Variants in SGCZ observed in about 807,000 individuals in gnomAD.
The protein encoded by SGCZ is zeta-sarcoglycan.
In SGCZ, 40 loss-of-function variants were observed where a neutral mutation model predicts 41.3. The ratio of observed to expected loss-of-function variants is 0.97; its 90% CI spans 0.75 to 1.26. SGCZ has a LOEUF of 1.26. Ranked by LOEUF, SGCZ falls within the 50% of genes most tolerant of loss-of-function variation. The pLI is 0.00. For synonymous variants in SGCZ, 206 were observed against 137.5 expected (o/e 1.50, Z -3.49); for missense variants, 552 against 369.8 (o/e 1.49, Z -4.04).
chr8:14,598,513 A>C (rs2117305267), intron 1 of SGCZ, among the ~76,000 whole-genome samples: 1 of 151,834 alleles, frequency 6.6e-6, no homozygotes, highest in South Asian at 2.1e-4. Flanking sequence ...ACAAACACAT[A>C]GTTTTATATA....
intron 2 of SGCZ, among the ~76,000 whole-genome samples, chr8:14,330,557 T>C (rs575468189): frequency 6.6e-6 from 1 of 152,162 alleles, no homozygotes; most frequent in South Asian, 2.1e-4. Context: ...TTTAAGAATA[T>C]TTAAATTTAA....
intron 1 of SGCZ, among the ~76,000 whole-genome samples, chr8:14,726,311 C>CATATATAT (rs1202306930): frequency 0.088 from 9,352 of 106,692 alleles, 670 homozygotes; most frequent in Non-Finnish European, 0.12. Context: ...TGTGTAAATA[C>CATATATAT]ATATATATAT....
At chr8:14,252,783 C>A (rs1009631099) in intron 3 of SGCZ, among the ~76,000 whole-genome samples, 1 of 152,160 alleles carries the variant, frequency 6.6e-6, no homozygotes, top group African/African-American at 2.4e-5. Context: ...AGAGCTTCAG[C>A]TTTCAGGCAG....
intron 1 of SGCZ, among the ~76,000 whole-genome samples, chr8:14,690,129 T>TA (rs34319245): frequency 1.3e-5 from 2 of 151,294 alleles, no homozygotes; most frequent in East Asian, 1.9e-4. Flanking sequence ...TTTTTTTTTT[T>TA]AAAGTCCATG....
chr8:14,475,723 T>A (rs1008002805), intron 2 of SGCZ, among the ~76,000 whole-genome samples: 2 of 152,122 alleles, frequency 1.3e-5, no homozygotes, highest in Non-Finnish European at 2.9e-5. Flanking sequence ...CAATTCCAAA[T>A]TAAGGAATTA....
chr8:14,642,576 T>C (rs1807063428), intron 1 of SGCZ, among the ~76,000 whole-genome samples: 1 of 151,522 alleles, frequency 6.6e-6, no homozygotes, highest in Non-Finnish European at 1.5e-5. Flanking sequence ...ATATTTTATG[T>C]ATAACTCTAC....
intron 2 of SGCZ, among the ~76,000 whole-genome samples, chr8:14,326,037 G>A (rs531049552): frequency 2.8e-4 from 36 of 129,862 alleles, no homozygotes; most frequent in African/African-American, 9.7e-4. Flanking sequence ...GCACGAACCC[G>A]GGAGGCGGAG....
At chr8:14,740,666 C>T (rs552015206) in intron 1 of SGCZ, among the ~76,000 whole-genome samples, 30 of 152,154 alleles carry the variant, frequency 2.0e-4, no homozygotes, top group African/African-American at 6.5e-4. Flanking sequence ...TGTGCTTTCT[C>T]AGTCGTCCTG....
chr8:14,109,599 T>C (rs1219892960), intron 5 of SGCZ, among the ~76,000 whole-genome samples: 1 of 152,162 alleles, frequency 6.6e-6, no homozygotes, highest in African/African-American at 2.4e-5. Context: ...TGTTTTTGTC[T>C]AATGAGAAAA....
At chr8:15,223,345 T>C (rs1354492272) in intron 1 of SGCZ, among the ~76,000 whole-genome samples, 1 of 152,152 alleles carries the variant, frequency 6.6e-6, no homozygotes, top group Non-Finnish European at 1.5e-5. Context: ...TTGGTATATA[T>C]CACTTCAAAA....
intron 1 of SGCZ, among the ~76,000 whole-genome samples, chr8:14,578,254 G>C (rs1370124239): frequency 6.6e-6 from 1 of 152,172 alleles, no homozygotes; most frequent in East Asian, 1.9e-4. Context: ...CATTTCACCA[G>C]CCACCACCAT....
intron 2 of SGCZ, among the ~76,000 whole-genome samples, chr8:14,450,289 C>T (rs11984635): frequency 0.16 from 23,999 of 151,844 alleles, 2,004 homozygotes; most frequent in African/African-American, 0.22. Context: ...TCTACAAAAA[C>T]ACTCTCATGA....
chr8:14,762,663 T>C (rs952492869), intron 1 of SGCZ, among the ~76,000 whole-genome samples: 1 of 152,166 alleles, frequency 6.6e-6, no homozygotes, highest in African/African-American at 2.4e-5. Flanking sequence ...TTCAGGAAAT[T>C]TCTATCCTAT....
At chr8:14,471,276 T>C (rs1193243716) in intron 2 of SGCZ, among the ~76,000 whole-genome samples, 1 of 152,150 alleles carries the variant, frequency 6.6e-6, no homozygotes, top group Non-Finnish European at 1.5e-5. Context: ...GTACTCATTA[T>C]CACATAATAG....
At chr8:15,198,706 G>C (rs1266232305) in intron 1 of SGCZ, among the ~76,000 whole-genome samples, 1 of 152,120 alleles carries the variant, frequency 6.6e-6, no homozygotes, top group African/African-American at 2.4e-5. Flanking sequence ...TTTACTGTGA[G>C]GCTACACTGT....
chr8:14,226,682 G>T (rs12334829), intron 4 of SGCZ, among the ~76,000 whole-genome samples: 10,227 of 152,050 alleles, frequency 0.067, 462 homozygotes, highest in African/African-American at 0.12. Context: ...AAACTTTATG[G>T]TGTAAACATG....
chr8:14,812,843 C>G (rs985171232), intron 1 of SGCZ, among the ~76,000 whole-genome samples: 1 of 152,106 alleles, frequency 6.6e-6, no homozygotes, highest in African/African-American at 2.4e-5. Context: ...GCTTATTAAA[C>G]TTGAAAAAAG....
At chr8:14,855,391 C>T (rs533784208) in intron 1 of SGCZ, among the ~76,000 whole-genome samples, 34 of 152,216 alleles carry the variant, frequency 2.2e-4, no homozygotes, top group African/African-American at 7.9e-4. Flanking sequence ...CTCTGTACTT[C>T]GTGCTCACTA....
intron 1 of SGCZ, among the ~76,000 whole-genome samples, chr8:15,062,694 T>C (rs1281897339): frequency 6.6e-6 from 1 of 152,180 alleles, no homozygotes; most frequent in Non-Finnish European, 1.5e-5. Context: ...GATAAAGCAG[T>C]TATTTTGAGA....
Sources: gnomAD v4.1 joint callset for allele counts (sites outside exome capture counted in the v4.1 genomes callset) on GRCh38, gnomAD v4.1.1 for gene constraint, MANE v1.5 for transcripts, NCBI Gene and HGNC (gene_info 2026-07-23, HGNC 2026-07-21) for gene names.